Variants in RAD51B observed in about 807,000 individuals in gnomAD.
RAD51B encodes the protein RAD51 paralog B.
Under a neutral mutation model 42.2 loss-of-function variants are expected in RAD51B, and 38 were observed. The ratio of observed to expected loss-of-function variants is 0.90; its 90% CI spans 0.70 to 1.18. RAD51B has a LOEUF of 1.18. RAD51B is among the 50% of genes most tolerant of loss of function. The pLI, the probability that RAD51B is intolerant of heterozygous loss-of-function variation, is 0.00. For synonymous variants in RAD51B, 154 were observed against 145.2 expected (o/e 1.06, Z -0.43); for missense variants, 373 against 400.7 (o/e 0.93, Z 0.59).
At chr14:68,324,264 C>T (rs945051227) in intron 8 of RAD51B, among the ~76,000 whole-genome samples, 2 of 152,182 alleles carry the variant, frequency 1.3e-5, no homozygotes, top group African/African-American at 2.4e-5. Flanking sequence ...TTCAACAAAC[C>T]ATCTATACCC....
chr14:68,499,880 A>G (rs1455111481), intron 10 of RAD51B, among the ~76,000 whole-genome samples: 1 of 152,154 alleles, frequency 6.6e-6, no homozygotes, highest in East Asian at 1.9e-4. Flanking sequence ...GACTATAGAG[A>G]ATACATTTCT....
chr14:68,355,179 T>C (rs2082875288), intron 8 of RAD51B, among the ~76,000 whole-genome samples: 1 of 152,220 alleles, frequency 6.6e-6, no homozygotes, highest in African/African-American at 2.4e-5. Flanking sequence ...ATTTTTTATG[T>C]CCCATTTCTT....
At position 68,326,503 on chromosome 14, in the gene RAD51B, G is replaced by A. The variant is rs533088592; in HGVS notation, c.853+34523G>A. Among the ~76,000 whole-genome samples, 3 of 152,262 alleles carry A rather than the reference G, an allele frequency of 2.0e-5. No individual in the cohort carries two copies. The South Asian group carries it at 6.2e-4, about 32-fold the overall frequency. On this transcript the variant is annotated intron_variant, in intron 8 of 10. Coordinates refer to ENST00000471583, the MANE Select transcript of RAD51B (RefSeq NM_133510.4). ...ACATGTAGGGGTTTGAGGAAAGTTG[G>A]GCTTGTGTCAATGTAATAAAAGCCA...
chr14:68,611,324 C>A, exon 11 of RAD51B: 1 of 686,774 alleles, frequency 1.5e-6, no homozygotes, highest in Non-Finnish European at 2.7e-6. Flanking sequence ...CTTTCTGAAC[C>A]TCCAGGGAAG....
At chr14:68,202,853 A>C (rs908445268) in intron 7 of RAD51B, among the ~76,000 whole-genome samples, 2 of 152,078 alleles carry the variant, frequency 1.3e-5, no homozygotes, top group African/African-American at 4.8e-5. Flanking sequence ...AAGTGCTGGG[A>C]TTACAAGCAT....
intron 10 of RAD51B, among the ~76,000 whole-genome samples, chr14:68,539,010 C>T (rs1052594850): frequency 2.6e-5 from 4 of 152,210 alleles, no homozygotes; most frequent in African/African-American, 9.6e-5. Context: ...TCTACAACTT[C>T]CCTCAAAGAA....
chr14:68,401,993 G>A (rs1237027092), intron 8 of RAD51B, among the ~76,000 whole-genome samples: 1 of 152,124 alleles, frequency 6.6e-6, no homozygotes, highest in Non-Finnish European at 1.5e-5. Flanking sequence ...TATCACTTCC[G>A]TTGGAACCTG....
chr14:68,580,746 A>G (rs1439171515), intron 10 of RAD51B, among the ~76,000 whole-genome samples: 1 of 151,970 alleles, frequency 6.6e-6, no homozygotes, highest in Non-Finnish European at 1.5e-5. Context: ...TCTCAGACCC[A>G]TCCAACCAGC....
intron 7 of RAD51B, among the ~76,000 whole-genome samples, chr14:67,889,656 T>C (rs1281339993): frequency 1.3e-5 from 2 of 151,754 alleles, no homozygotes; most frequent in Admixed American, 6.6e-5. Flanking sequence ...TTGGCCCTTA[T>C]GTGCGCATGA....
At chr14:68,177,774 C>T (rs1433119534) in intron 7 of RAD51B, among the ~76,000 whole-genome samples, 1 of 152,016 alleles carries the variant, frequency 6.6e-6, no homozygotes, top group African/African-American at 2.4e-5. Context: ...TTCAAGCTTT[C>T]TGGCATTTGA....
intron 7 of RAD51B, among the ~76,000 whole-genome samples, chr14:68,107,549 C>T (rs2077395406): frequency 6.6e-6 from 1 of 151,770 alleles, no homozygotes; most frequent in East Asian, 1.9e-4. Context: ...TTGGAAGACT[C>T]ATATTTTCCA....
intron 7 of RAD51B, among the ~76,000 whole-genome samples, chr14:68,169,328 T>C (rs2140851241): frequency 6.6e-6 from 1 of 152,268 alleles, no homozygotes; most frequent in South Asian, 2.1e-4. Context: ...CATTTGTTGT[T>C]GTCGTTTAGT....
chr14:68,570,543 A>G (rs2140038296), intron 10 of RAD51B, among the ~76,000 whole-genome samples: 1 of 152,312 alleles, frequency 6.6e-6, no homozygotes, highest in South Asian at 2.1e-4. Context: ...ATTTAAAGGG[A>G]CAAAGGCATG....
intron 7 of RAD51B, among the ~76,000 whole-genome samples, chr14:68,177,456 T>C (rs533839488): frequency 1.3e-5 from 2 of 152,302 alleles, no homozygotes; most frequent in African/African-American, 4.8e-5. Context: ...CTACCAAAAT[T>C]CATGTTTCAA....
At chr14:68,438,036 G>C (rs1488912895) in intron 9 of RAD51B, among the ~76,000 whole-genome samples, 1 of 152,126 alleles carries the variant, frequency 6.6e-6, no homozygotes, top group Non-Finnish European at 1.5e-5. Flanking sequence ...GGATCGGGGA[G>C]GATGGGGCCT....
chr14:68,329,296 C>A (rs887048038), intron 8 of RAD51B, among the ~76,000 whole-genome samples: 1 of 152,194 alleles, frequency 6.6e-6, no homozygotes, highest in Non-Finnish European at 1.5e-5. Context: ...GCATGAGCTA[C>A]CACACCCAGG....
chr14:68,355,304 T>G (rs937932459), intron 8 of RAD51B, among the ~76,000 whole-genome samples: 3 of 152,228 alleles, frequency 2.0e-5, no homozygotes, highest in Non-Finnish European at 2.9e-5. Context: ...TCAAAATAGA[T>G]TGAGCATTTT....
chr14:68,122,642 A>C (rs2077673197), intron 7 of RAD51B, among the ~76,000 whole-genome samples: 1 of 152,240 alleles, frequency 6.6e-6, no homozygotes, highest in Non-Finnish European at 1.5e-5. Context: ...TATAAAAAAA[A>C]CTTAAATGCA....
intron 7 of RAD51B, among the ~76,000 whole-genome samples, chr14:67,974,567 T>G (rs2074954708): frequency 6.6e-6 from 1 of 152,144 alleles, no homozygotes; most frequent in Admixed American, 6.5e-5. Flanking sequence ...CTTTTTCTTT[T>G]GTCATAAGGA....
Sources: gnomAD v4.1 joint callset for allele counts (sites outside exome capture counted in the v4.1 genomes callset) on GRCh38, gnomAD v4.1.1 for gene constraint, MANE v1.5 for transcripts, NCBI Gene and HGNC (gene_info 2026-07-23, HGNC 2026-07-21) for gene names.